EEFSEC: variants seen among roughly 807,000 people sequenced by gnomAD.
EEFSEC encodes the protein selenocysteine-specific elongation factor.
Under a neutral mutation model 42.1 loss-of-function variants are expected in EEFSEC, and 43 were observed. The ratio of observed to expected loss-of-function variants is 1.02; its 90% CI spans 0.80 to 1.32. The LOEUF is 1.32. EEFSEC is among the 40% of genes most tolerant of loss of function. The probability of loss-of-function intolerance (pLI) is 0.00; values close to 1 mark genes in which losing one functional copy is unlikely to be tolerated. For missense variants in EEFSEC, 745 were observed against 803.6 expected (o/e 0.93, Z 0.88); for synonymous variants, 354 against 339.1 (o/e 1.04, Z -0.48).
At chr3:128,216,477 G>C (rs1444511883) in intron 1 of EEFSEC, among the ~76,000 whole-genome samples, 2 of 152,174 alleles carry the variant, frequency 1.3e-5, no homozygotes, top group African/African-American at 2.4e-5. Flanking sequence ...CCAAGTTGGA[G>C]CAGGTGGCTC....
At chr3:128,209,492 C>T (rs563278336) in intron 1 of EEFSEC, among the ~76,000 whole-genome samples, 3 of 152,272 alleles carry the variant, frequency 2.0e-5, no homozygotes, top group Admixed American at 6.5e-5. Context: ...TAAGGCTAGG[C>T]GCCAGTCTTA....
At chr3:128,386,071 G>A (rs1351130341) in intron 6 of EEFSEC, among the ~76,000 whole-genome samples, 1 of 152,226 alleles carries the variant, frequency 6.6e-6, no homozygotes. Flanking sequence ...TGGCAGCATA[G>A]AATGTTCTCT....
intron 1 of EEFSEC, among the ~76,000 whole-genome samples, chr3:128,230,209 C>T (rs140341352): frequency 0.011 from 1,693 of 151,738 alleles, 21 homozygotes; most frequent in African/African-American, 0.039. Context: ...TACAGTGGCA[C>T]GATCATAGCT....
At chr3:128,325,150 C>G (rs1169262439) in intron 4 of EEFSEC, among the ~76,000 whole-genome samples, 2 of 152,186 alleles carry the variant, frequency 1.3e-5, no homozygotes, top group Non-Finnish European at 1.5e-5. Context: ...TGTCACTGCT[C>G]CCCGTGCCAT....
At chr3:128,362,055 C>G (rs2107594417) in intron 6 of EEFSEC, 1 of 355,374 alleles carries the variant, frequency 2.8e-6, no homozygotes, top group Non-Finnish European at 5.7e-6. Context: ...GTTGATGCCC[C>G]TAGAGAGCAG....
At chr3:128,384,277 A>C (rs2067811758) in intron 6 of EEFSEC, among the ~76,000 whole-genome samples, 2 of 152,220 alleles carry the variant, frequency 1.3e-5, no homozygotes. Flanking sequence ...AGGACTACAC[A>C]AGGGAACCAG....
intron 6 of EEFSEC, among the ~76,000 whole-genome samples, chr3:128,404,529 C>T (rs1014069883): frequency 5.9e-5 from 9 of 152,290 alleles, no homozygotes; most frequent in African/African-American, 1.9e-4. Flanking sequence ...GGGAGACGGG[C>T]TGCCCATGCC....
intron 4 of EEFSEC, among the ~76,000 whole-genome samples, chr3:128,320,779 A>T (rs2066999219): frequency 6.6e-6 from 1 of 152,234 alleles, no homozygotes; most frequent in Non-Finnish European, 1.5e-5. Context: ...ACCAGTGTAT[A>T]AGTGTTAGAA....
intron 4 of EEFSEC, among the ~76,000 whole-genome samples, chr3:128,265,090 G>T (rs1265726242): frequency 1.3e-5 from 2 of 152,124 alleles, no homozygotes; most frequent in African/African-American, 4.8e-5. Flanking sequence ...CAGAAGGTGA[G>T]GTGGGCTTGA....
intron 1 of EEFSEC, among the ~76,000 whole-genome samples, chr3:128,182,478 C>T (rs2065418878): frequency 6.6e-6 from 1 of 152,154 alleles, no homozygotes; most frequent in South Asian, 2.1e-4. Context: ...TTTCAGTCTC[C>T]TTACACTCCC....
chr3:128,337,224 C>T (rs1559926918), intron 4 of EEFSEC: 1 of 152,236 alleles, frequency 6.6e-6, no homozygotes, highest in African/African-American at 2.4e-5. Context: ...CCTGTGAGAA[C>T]CCATGGGAGT....
At chr3:128,325,017 A>T (rs566995846) in intron 4 of EEFSEC, among the ~76,000 whole-genome samples, 2 of 152,202 alleles carry the variant, frequency 1.3e-5, no homozygotes, top group Non-Finnish European at 2.9e-5. Flanking sequence ...ACAAAGAGAG[A>T]TAACGGCCAG....
At chr3:128,164,305 C>T (rs564170431) in intron 1 of EEFSEC, among the ~76,000 whole-genome samples, 50 of 152,332 alleles carry the variant, frequency 3.3e-4, no homozygotes, top group Non-Finnish European at 5.4e-4. Flanking sequence ...GGAAGCCAGG[C>T]AGTGCCAGCA....
chr3:128,288,865 G>C (rs1209062111), intron 4 of EEFSEC, among the ~76,000 whole-genome samples: 1 of 152,188 alleles, frequency 6.6e-6, no homozygotes, highest in Admixed American at 6.5e-5. Flanking sequence ...TTTGGTCAAG[G>C]CATTTCCTAT....
chr3:128,158,445 C>A (rs1345724149), intron 1 of EEFSEC, among the ~76,000 whole-genome samples: 2 of 152,166 alleles, frequency 1.3e-5, no homozygotes, highest in Non-Finnish European at 2.9e-5. Context: ...GGAAGAGTCA[C>A]CTGATGTGGC....
chr3:128,385,302 G>C (rs2067825800), intron 6 of EEFSEC, among the ~76,000 whole-genome samples: 1 of 152,204 alleles, frequency 6.6e-6, no homozygotes, highest in African/African-American at 2.4e-5. Context: ...GCCCGACTGG[G>C]GGACTGCAGT....
intron 5 of EEFSEC, among the ~76,000 whole-genome samples, chr3:128,347,408 T>G (rs926308670): frequency 2.6e-5 from 4 of 152,062 alleles, no homozygotes; most frequent in Non-Finnish European, 5.9e-5. Flanking sequence ...GAGCATATGG[T>G]GATAAGGGAA....
At chr3:128,410,538 G>A (rs556978137), downstream of EEFSEC, among the ~76,000 whole-genome samples, 2 of 152,194 alleles carry the variant, frequency 1.3e-5, no homozygotes, top group East Asian at 1.9e-4. Context: ...GAATGTGGCT[G>A]CCGCCACCAG....
intron 4 of EEFSEC, among the ~76,000 whole-genome samples, chr3:128,327,995 G>A (rs962601567): frequency 1.6e-4 from 24 of 152,182 alleles, no homozygotes; most frequent in African/African-American, 5.3e-4. Flanking sequence ...CCGTGAACAA[G>A]GGCTGGGGGC....
Sources: allele counts gnomAD v4.1 joint callset (sites outside exome capture counted in the v4.1 genomes callset), GRCh38; gene constraint gnomAD v4.1.1; transcripts MANE v1.5; gene names NCBI Gene and HGNC (gene_info 2026-07-23, HGNC 2026-07-21).